The following CSTPP1 variants were observed in gnomAD, a reference collection of about 807,000 sequenced individuals.
CSTPP1 encodes centriolar satellite-associated tubulin polyglutamylase complex regulator 1, also known as UPF0705 protein C11orf49.
At chr11:47,052,646 T>A in the CSTPP1 span, 1 of 1,304,516 alleles carries the variant, frequency 7.7e-7, no homozygotes, top group Non-Finnish European at 1.0e-6. Flanking sequence ...TTTCTTTTGT[T>A]CCTATAAATA....
the CSTPP1 span, among the ~76,000 whole-genome samples, chr11:46,954,740 G>A: frequency 7.3e-5 from 11 of 150,804 alleles, no homozygotes; most frequent in Non-Finnish European, 1.2e-4. Context: ...AAAAAAAGCA[G>A]TACCCTACAC....
chr11:47,011,450 C>T, the CSTPP1 span, among the ~76,000 whole-genome samples: 2 of 152,112 alleles, frequency 1.3e-5, no homozygotes, highest in African/African-American at 2.4e-5. Context: ...GATTCTTCTC[C>T]CTTCAGTACC....
the CSTPP1 span, among the ~76,000 whole-genome samples, chr11:47,109,978 A>G: frequency 5.3e-5 from 8 of 152,040 alleles, no homozygotes; most frequent in Non-Finnish European, 1.2e-4. Context: ...CCTAGATTGC[A>G]TGGCTGGCTG....
the CSTPP1 span, among the ~76,000 whole-genome samples, chr11:47,089,105 T>C: frequency 6.6e-6 from 1 of 152,162 alleles, no homozygotes; most frequent in East Asian, 1.9e-4. Flanking sequence ...GGCCCCAGTC[T>C]GCAGCAAAGA....
chr11:47,044,048 G>C, the CSTPP1 span, among the ~76,000 whole-genome samples: 2 of 152,076 alleles, frequency 1.3e-5, no homozygotes, highest in Non-Finnish European at 2.9e-5. Context: ...GTGTAGTGGC[G>C]TGATCTCGGC....
the CSTPP1 span, among the ~76,000 whole-genome samples, chr11:47,028,059 G>T: frequency 6.6e-6 from 1 of 152,002 alleles, no homozygotes; most frequent in Non-Finnish European, 1.5e-5. Context: ...AAGTAGCTGG[G>T]ACTACAGGCG....
At chr11:47,138,350 C>T in the CSTPP1 span, among the ~76,000 whole-genome samples, 1 of 152,174 alleles carries the variant, frequency 6.6e-6, no homozygotes, top group Non-Finnish European at 1.5e-5. Context: ...ACCAGGTCTC[C>T]CTCTCAACAC....
At chr11:47,107,563 T>C in the CSTPP1 span, among the ~76,000 whole-genome samples, 1 of 152,228 alleles carries the variant, frequency 6.6e-6, no homozygotes, top group East Asian at 1.9e-4. Flanking sequence ...TTTGCCTCTA[T>C]TTGGCACCAG....
chr11:46,976,840 C>T, the CSTPP1 span, among the ~76,000 whole-genome samples: 1 of 152,106 alleles, frequency 6.6e-6, no homozygotes, highest in African/African-American at 2.4e-5. Flanking sequence ...AGAAGTTGAC[C>T]CTCCCTATAC....
the CSTPP1 span, among the ~76,000 whole-genome samples, chr11:47,091,308 A>T: frequency 3.3e-5 from 5 of 151,438 alleles, no homozygotes; most frequent in African/African-American, 1.2e-4. Flanking sequence ...CAGGAGGCAG[A>T]GGTTGCAGTG....
chr11:47,097,435 C>T, the CSTPP1 span, among the ~76,000 whole-genome samples: 1 of 56,802 alleles, frequency 1.8e-5, no homozygotes, highest in African/African-American at 6.7e-5. Flanking sequence ...GCCAGCCGCC[C>T]CGTCCGGGAG....
At chr11:47,161,446 G>A in the CSTPP1 span, 9 of 1,613,006 alleles carry the variant, frequency 5.6e-6, no homozygotes, top group Non-Finnish European at 7.6e-6. Flanking sequence ...TGCCCTCCAG[G>A]CTTCTTCCCT....
At chr11:47,030,759 G>A in the CSTPP1 span, among the ~76,000 whole-genome samples, 1 of 152,164 alleles carries the variant, frequency 6.6e-6, no homozygotes, top group Non-Finnish European at 1.5e-5. Flanking sequence ...ACTTATAAGT[G>A]AGAACATGCA....
At chr11:47,093,974 T>G in the CSTPP1 span, among the ~76,000 whole-genome samples, 1 of 152,232 alleles carries the variant, frequency 6.6e-6, no homozygotes, top group African/African-American at 2.4e-5. Flanking sequence ...GAATACATGC[T>G]TACTGGTTTC....
At chr11:46,937,128 T>A in the CSTPP1 span, among the ~76,000 whole-genome samples, 6 of 152,304 alleles carry the variant, frequency 3.9e-5, no homozygotes, top group African/African-American at 1.2e-4. Flanking sequence ...GGGGCCCTGT[T>A]GGGGTATTAT....
At chr11:47,124,448 T>C in the CSTPP1 span, among the ~76,000 whole-genome samples, 4 of 152,172 alleles carry the variant, frequency 2.6e-5, no homozygotes, top group African/African-American at 9.6e-5. Context: ...TCCTTTGATG[T>C]CTTCTCATTG....
the CSTPP1 span, among the ~76,000 whole-genome samples, chr11:47,001,070 C>T: frequency 2.0e-5 from 3 of 152,174 alleles, no homozygotes; most frequent in Admixed American, 6.5e-5. Context: ...ATTGAGAGCT[C>T]ATCCCATCAG....
the CSTPP1 span, among the ~76,000 whole-genome samples, chr11:47,014,630 G>A: frequency 1.3e-5 from 2 of 151,798 alleles, no homozygotes; most frequent in South Asian, 2.1e-4. Flanking sequence ...ACTTGGACCC[G>A]GGAGGCAGAG....
the CSTPP1 span, among the ~76,000 whole-genome samples, chr11:47,063,005 C>T: frequency 1.1e-4 from 17 of 152,278 alleles, no homozygotes; most frequent in East Asian, 1.9e-3. Flanking sequence ...ACATTCCCTG[C>T]GCGTCTGTAG....
Sources: allele counts gnomAD v4.1 joint callset (sites outside exome capture counted in the v4.1 genomes callset), GRCh38; gene constraint gnomAD v4.1.1; transcripts MANE v1.5; gene names NCBI Gene and HGNC (gene_info 2026-07-23, HGNC 2026-07-21).